NAA15: variants seen among roughly 807,000 people sequenced by gnomAD.
The protein encoded by NAA15 is N-terminal acetyltransferase.
NAA15 carries 34 observed loss-of-function variants against 114.0 expected under a neutral mutation model. That is an observed-to-expected ratio of 0.30 (90% CI 0.23 to 0.40). The LOEUF (loss-of-function observed/expected upper bound fraction) is 0.40, where lower values mean the gene tolerates loss of function less well. Among genes scored for constraint, NAA15 ranks in the 10% least tolerant of loss-of-function variants. The pLI is 1.00. For synonymous variants in NAA15, 340 were observed against 338.0 expected, an observed-to-expected ratio of 1.01 and a Z score of -0.06; for missense variants, 658 against 1,004.5, an observed-to-expected ratio of 0.66 and a Z score of 4.66.
chr4:139,313,811 A>T (rs1746296891), intron 1 of NAA15, among the ~76,000 whole-genome samples: 1 of 151,890 alleles, frequency 6.6e-6, no homozygotes, highest in South Asian at 2.1e-4. Context: ...TGCTGGCATT[A>T]CAGGTGTGAG....
intron 4 of NAA15, 22 bp downstream of exon 4, chr4:139,341,091 T>G: frequency 6.9e-7 from 1 of 1,449,524 alleles, no homozygotes; most frequent in Non-Finnish European, 9.1e-7. Context: ...AGAGACTTTT[T>G]TTTTTAATTC....
rs934768260 is a variant in NAA15, at chr4:139,386,342, A to G, written c.2400+112A>G. 5.7e-6 allele frequency: 3 copies of G among 527,878 alleles called. No individual in the cohort carries two copies. In the African/African-American group the frequency reaches 5.8e-5, roughly 10 times the overall value. 32.7% of individuals were successfully genotyped at this position (527,878 alleles called of 1,614,324 possible). A position where few individuals can be genotyped will look rare whatever the true frequency, so the allele number is the denominator to read the frequency against. ...TTTTAAATCATTATGAATCTGGGTC[A>G]GAAACAACTTATCTTAAAATTTATT... On this transcript the variant is annotated intron_variant, in intron 19 of 19. Transcript: ENST00000296543.
At chr4:139,365,128 C>A (rs1579126338) in intron 14 of NAA15, among the ~76,000 whole-genome samples, 1 of 152,194 alleles carries the variant, frequency 6.6e-6, no homozygotes, top group African/African-American at 2.4e-5. Context: ...ACCTCTGCCT[C>A]CTGGTTTCAA....
chr4:139,363,922 C>T (rs1025995782), intron 14 of NAA15, among the ~76,000 whole-genome samples: 3 of 152,218 alleles, frequency 2.0e-5, no homozygotes, highest in African/African-American at 4.8e-5. Context: ...ATACTTTTGC[C>T]CAGTCTGGAG....
At chr4:139,315,208 A>G (rs1356779586) in intron 1 of NAA15, among the ~76,000 whole-genome samples, 1 of 151,638 alleles carries the variant, frequency 6.6e-6, no homozygotes, top group Non-Finnish European at 1.5e-5. Context: ...TCTGTGGGAG[A>G]CCAAGTGACA....
intron 1 of NAA15, among the ~76,000 whole-genome samples, chr4:139,326,507 A>G (rs1746804382): frequency 6.6e-6 from 1 of 152,232 alleles, no homozygotes; most frequent in Admixed American, 6.5e-5. Flanking sequence ...TCAGCAAAGT[A>G]CTACATAAGA....
chr4:139,332,802 G>A (rs576394771), intron 1 of NAA15, among the ~76,000 whole-genome samples: 3 of 151,800 alleles, frequency 2.0e-5, no homozygotes, highest in East Asian at 3.9e-4. Context: ...GGCTGGTCTC[G>A]AACTGCTGAC....
intron 14 of NAA15, among the ~76,000 whole-genome samples, chr4:139,365,329 C>T (rs1748248306): frequency 6.6e-6 from 1 of 152,002 alleles, no homozygotes; most frequent in Admixed American, 6.6e-5. Context: ...TGAGCCACCA[C>T]ATGCGGCCTA....
Position 139,301,747 on chromosome 4 carries a change from G to A in NAA15, c.-31G>A. ...GACAAACTGACTGACCGAGCCGGGT[G>A]GTGGCGGGAGCAGCGGGAGCAGCCG... On this transcript the variant is annotated 5_prime_UTR_variant, in exon 1 of 20. Coordinates refer to ENST00000296543, the MANE Select transcript of NAA15 (RefSeq NM_057175.5). The A allele has an allele frequency of 6.4e-7, 1 of 1,554,448 alleles. No individual in the cohort carries two copies. Among genetic ancestry groups the A allele is most frequent in the Non-Finnish European group, 8.7e-7 (1 of 1,147,964 alleles).
At chr4:139,316,151 CTCA>C (rs1363720846) in intron 1 of NAA15, among the ~76,000 whole-genome samples, 2 of 151,912 alleles carry the variant, frequency 1.3e-5, no homozygotes, top group Admixed American at 1.3e-4. Flanking sequence ...TTGGATAAAG[CTCA>C]TCATCTAGTA....
At chr4:139,352,500 T>C (rs941828805) in intron 9 of NAA15, among the ~76,000 whole-genome samples, 1 of 152,068 alleles carries the variant, frequency 6.6e-6, no homozygotes. Context: ...ATCAGTTACA[T>C]TGAAGAGTCA....
intron 4 of NAA15, among the ~76,000 whole-genome samples, 159 bp from the exon 5 acceptor site, chr4:139,342,667 C>G (rs1747447818): frequency 6.6e-6 from 1 of 151,944 alleles, no homozygotes; most frequent in Non-Finnish European, 1.5e-5. Context: ...CCAGGATGGT[C>G]TCGATCTCTT....
At chr4:139,313,604 G>A (rs572664900) in intron 1 of NAA15, among the ~76,000 whole-genome samples, 4 of 149,924 alleles carry the variant, frequency 2.7e-5, no homozygotes, top group South Asian at 2.1e-4. Flanking sequence ...TGTAGTGGCC[G>A]CGTGATCTTG....
At chr4:139,317,878 A>G (rs181153312) in intron 1 of NAA15, among the ~76,000 whole-genome samples, 110 of 152,276 alleles carry the variant, frequency 7.2e-4, no homozygotes, top group African/African-American at 2.5e-3. Context: ...CATGTGTGTA[A>G]TCCTTGTTTT....
intron 1 of NAA15, among the ~76,000 whole-genome samples, chr4:139,319,397 C>T (rs1489714985): frequency 1.3e-5 from 2 of 151,712 alleles, no homozygotes; most frequent in African/African-American, 2.4e-5. Flanking sequence ...TGAGCCACCG[C>T]GCCCAGCCAA....
At chr4:139,333,085 T>C (rs1195196061) in intron 1 of NAA15, among the ~76,000 whole-genome samples, 1 of 152,216 alleles carries the variant, frequency 6.6e-6, no homozygotes, top group Non-Finnish European at 1.5e-5. Flanking sequence ...AAATACTGTG[T>C]AAATAGTTGT....
intron 1 of NAA15, among the ~76,000 whole-genome samples, chr4:139,314,994 A>AGGTTAGGTTAGGTTAG (rs1560952684): frequency 3.3e-5 from 2 of 59,936 alleles, no homozygotes; most frequent in African/African-American, 8.7e-5. Flanking sequence ...CGTTCAGTTC[A>AGGTTAGGTTAGGTTAG]GTTCAGTTTA....
At chr4:139,374,477 T>C (rs1748528898) in intron 15 of NAA15, among the ~76,000 whole-genome samples, 1 of 152,192 alleles carries the variant, frequency 6.6e-6, no homozygotes. Flanking sequence ...GGTGTGAACA[T>C]CTTGCTGTGG....
chr4:139,388,131 T>C lies in NAA15; in HGVS notation c.*47T>C. On this transcript the variant is annotated 3_prime_UTR_variant, in exon 20 of 20. Coordinates refer to ENST00000296543, the MANE Select transcript of NAA15 (RefSeq NM_057175.5). Reference sequence around the variant, plus strand: ...GAATGACTTTGGACCATATCTAGTATATAATATTTTTGTCACGCACCTGCT... The same window carrying C: ...GAATGACTTTGGACCATATCTAGTACATAATATTTTTGTCACGCACCTGCT... 6.5e-7 allele frequency: 1 copy of C among 1,546,410 alleles called. No homozygotes were observed. The highest frequency in any genetic ancestry group is 8.9e-7 in the Non-Finnish European group (1 of 1,128,408).
Sources: allele counts gnomAD v4.1 joint callset (sites outside exome capture counted in the v4.1 genomes callset), GRCh38; gene constraint gnomAD v4.1.1; transcripts MANE v1.5; gene names NCBI Gene and HGNC (gene_info 2026-07-23, HGNC 2026-07-21).